The following MDGA2 variants were observed in gnomAD, a reference collection of about 807,000 sequenced individuals.
The protein encoded by MDGA2 is MAM domain containing glycosylphosphatidylinositol anchor 2.
In MDGA2, 40 loss-of-function variants were observed where a neutral mutation model predicts 117.8. The observed-to-expected ratio is 0.34, with a 90% CI of 0.26 to 0.44. The LOEUF is 0.44. MDGA2 is among the 20% of genes least tolerant of loss of function. MDGA2 has a pLI of 1.00. For missense variants in MDGA2, 1,123 were observed against 1,250.6 expected, an observed-to-expected ratio of 0.90 and a Z score of 1.54; for synonymous variants, 452 against 439.0, an observed-to-expected ratio of 1.03 and a Z score of -0.37.
At chr14:46,923,010 T>C (rs1211497679) in intron 9 of MDGA2, among the ~76,000 whole-genome samples, 4 of 152,256 alleles carry the variant, frequency 2.6e-5, no homozygotes, top group Non-Finnish European at 5.9e-5. Flanking sequence ...AAATTGCCAT[T>C]ATTCTAGGAA....
At chr14:46,985,531 T>C (rs951685052) in intron 8 of MDGA2, among the ~76,000 whole-genome samples, 2 of 152,082 alleles carry the variant, frequency 1.3e-5, no homozygotes, top group African/African-American at 2.4e-5. Flanking sequence ...CTTACCTGAG[T>C]TACTGCTACC....
At chr14:47,425,378 C>A (rs564104245) in intron 1 of MDGA2, among the ~76,000 whole-genome samples, 1 of 152,178 alleles carries the variant, frequency 6.6e-6, no homozygotes, top group African/African-American at 2.4e-5. Context: ...GATACATGTA[C>A]AAACAGTTAC....
chr14:46,919,450 A>G (rs980144775), intron 10 of MDGA2, among the ~76,000 whole-genome samples: 1 of 152,226 alleles, frequency 6.6e-6, no homozygotes, highest in African/African-American at 2.4e-5. Flanking sequence ...TAACCCTTTG[A>G]AAAAGATACA....
At chr14:47,036,270 C>CAAAA (rs11310113) in intron 7 of MDGA2, among the ~76,000 whole-genome samples, 18 of 74,440 alleles carry the variant, frequency 2.4e-4, no homozygotes, top group East Asian at 7.2e-4. Context: ...ACTCTGTCTC[C>CAAAA]AAAAAAAAAA....
chr14:46,993,019 C>G (rs1887151038), intron 8 of MDGA2, among the ~76,000 whole-genome samples: 1 of 151,902 alleles, frequency 6.6e-6, no homozygotes. Context: ...CTTATACAAT[C>G]TTGAGCTTTA....
chr14:47,414,718 A>G (rs1892440540), intron 1 of MDGA2, among the ~76,000 whole-genome samples: 5 of 152,104 alleles, frequency 3.3e-5, no homozygotes, highest in Admixed American at 2.6e-4. Flanking sequence ...TGTATATATC[A>G]CTACTATGTT....
intron 6 of MDGA2, among the ~76,000 whole-genome samples, chr14:47,084,047 A>G (rs1890804243): frequency 6.6e-6 from 1 of 152,158 alleles, no homozygotes; most frequent in African/African-American, 2.4e-5. Context: ...CAAAGATATT[A>G]TAGAACTCAA....
At chr14:47,449,818 G>GCAAAAA (rs957035365) in intron 1 of MDGA2, among the ~76,000 whole-genome samples, 4 of 151,924 alleles carry the variant, frequency 2.6e-5, no homozygotes, top group Non-Finnish European at 5.9e-5. Context: ...GCTTTCTTAT[G>GCAAAAA]CAAAAACAAA....
intron 10 of MDGA2, among the ~76,000 whole-genome samples, chr14:46,909,201 T>C (rs988194204): frequency 1.3e-5 from 2 of 152,224 alleles, no homozygotes; most frequent in African/African-American, 4.8e-5. Context: ...TCTTTATTCT[T>C]ATTCCTTTAG....
chr14:47,061,973 T>C (rs1054294627), intron 6 of MDGA2, among the ~76,000 whole-genome samples: 2 of 152,022 alleles, frequency 1.3e-5, no homozygotes, highest in African/African-American at 4.8e-5. Context: ...ATACTTTCCC[T>C]ATGTCACTAC....
At chr14:47,646,890 T>C (rs78566313) in intron 1 of MDGA2, among the ~76,000 whole-genome samples, 13,643 of 152,236 alleles carry the variant, frequency 0.09, 650 homozygotes, top group Non-Finnish European at 0.11. Context: ...GTGTAAATAG[T>C]GCTTTGTGTG....
intron 2 of MDGA2, among the ~76,000 whole-genome samples, chr14:47,295,049 A>C (rs558786374): frequency 6.6e-6 from 1 of 152,346 alleles, no homozygotes; most frequent in Non-Finnish European, 1.5e-5. Context: ...AAGGTGTAAT[A>C]AACTACTAGA....
chr14:47,231,727 GA>G (rs569576497), intron 2 of MDGA2, among the ~76,000 whole-genome samples: 11 of 120,906 alleles, frequency 9.1e-5, no homozygotes, highest in Non-Finnish European at 2.0e-4. Context: ...ATAAGAAAAA[GA>G]AAAAAAAATT....
intron 3 of MDGA2, among the ~76,000 whole-genome samples, chr14:47,161,870 C>A (rs1378807491): frequency 6.9e-6 from 1 of 144,696 alleles, no homozygotes; most frequent in East Asian, 2.1e-4. Flanking sequence ...TCTTATTCCA[C>A]ACACTGCAGA....
chr14:47,364,682 A>G (rs1891194916), intron 1 of MDGA2, among the ~76,000 whole-genome samples: 1 of 152,250 alleles, frequency 6.6e-6, no homozygotes, highest in Non-Finnish European at 1.5e-5. Context: ...TGTTGGTGTT[A>G]TTTTAAATAA....
intron 1 of MDGA2, among the ~76,000 whole-genome samples, chr14:47,487,127 AC>A (rs1395710117): frequency 6.6e-6 from 1 of 152,194 alleles, no homozygotes; most frequent in East Asian, 1.9e-4. Flanking sequence ...CCTTAGCCAA[AC>A]CTTGAGTAAA....
chr14:47,136,696 G>T (rs1882476031), intron 4 of MDGA2, among the ~76,000 whole-genome samples: 1 of 151,910 alleles, frequency 6.6e-6, no homozygotes, highest in Non-Finnish European at 1.5e-5. Context: ...CATTTAATGA[G>T]ATCACTTCAA....
chr14:47,434,737 T>C (rs562851709), intron 1 of MDGA2, among the ~76,000 whole-genome samples: 1 of 152,148 alleles, frequency 6.6e-6, no homozygotes, highest in African/African-American at 2.4e-5. Context: ...CTAGTTTTAT[T>C]TAGTTATAGT....
intron 7 of MDGA2, among the ~76,000 whole-genome samples, chr14:47,045,843 T>C (rs1054477990): frequency 2.0e-5 from 3 of 151,960 alleles, no homozygotes; most frequent in African/African-American, 7.3e-5. Flanking sequence ...CGGGCGCCTG[T>C]AATCACAGCT....
Sources: gnomAD v4.1 joint callset for allele counts (sites outside exome capture counted in the v4.1 genomes callset) on GRCh38, gnomAD v4.1.1 for gene constraint, MANE v1.5 for transcripts, NCBI Gene and HGNC (gene_info 2026-07-23, HGNC 2026-07-21) for gene names.